The following DNAH7 variants were observed in gnomAD, a reference collection of about 807,000 sequenced individuals.
DNAH7 encodes dynein axonemal heavy chain 7, also known as axonemal beta dynein heavy chain 7.
Under a neutral mutation model 444.6 loss-of-function variants are expected in DNAH7, and 397 were observed. That is an observed-to-expected ratio of 0.89 (90% CI 0.82 to 0.97). The LOEUF (loss-of-function observed/expected upper bound fraction) is 0.97, where lower values mean the gene tolerates loss of function less well. DNAH7 is among the 50% of genes least tolerant of loss of function. The pLI is 0.00. For missense variants in DNAH7, 4,902 were observed against 4,800.8 expected (o/e 1.02, Z -0.62); for synonymous variants, 1,636 against 1,624.4 (o/e 1.01, Z -0.17).
In DNAH7 at chr2:195,740,609, GTGTGTGTATATATA is replaced by G. The variant is rs1212035605; in HGVS notation, c.11868+143_11868+156del. Among the ~76,000 whole-genome samples, 177 of 56,800 alleles carry G rather than the reference GTGTGTGTATATATA, an allele frequency of 3.1e-3. No individual in the cohort carries two copies. In the East Asian group the frequency reaches 0.037, roughly 12 times the overall value. 37.3% of individuals were successfully genotyped at this position (56,800 alleles called of 152,430 possible). A position where few individuals can be genotyped will look rare whatever the true frequency, so the allele number is the denominator to read the frequency against. ...TATGTGTGTGTGTGTGTGTGTGTGT[GTGTGTGTATATATA>G]TATATATATATATATATATATACAT... On this transcript the variant is annotated intron_variant, in intron 64 of 64. Coordinates refer to ENST00000312428, the MANE Select transcript of DNAH7 (RefSeq NM_018897.3).
intron 15 of DNAH7, among the ~76,000 whole-genome samples, chr2:195,975,143 A>G (rs1443504118): frequency 6.6e-6 from 1 of 152,208 alleles, no homozygotes; most frequent in Non-Finnish European, 1.5e-5. Flanking sequence ...AAAACCAAAC[A>G]TCAAGTGAAT....
chr2:195,816,887 C>T lies in DNAH7; in HGVS notation c.9502G>A (p.Ala3168Thr), dbSNP rs761361071. 5.0e-6 allele frequency: 8 copies of T among 1,614,054 alleles called. No individual in the cohort carries two copies. The highest frequency in any genetic ancestry group is 1.7e-6 in the Non-Finnish European group (2 of 1,179,960). ...TTGGAGGAAGATAATATCTTAATAG[C>T]AGTTTCATCTTCTAATATATTGCCT... is the stretch of plus-strand genomic sequence containing the variant. ...SEGNILEDET[A>T]IKILSSSKAL... Residue 3168 changes from alanine to threonine, a missense_variant, in exon 51 of 65, where the codon GCT becomes ACT. Ala to Thr is a moderately conservative substitution (Grantham distance 58). Transcript: ENST00000312428.
chr2:195,897,225 T>C (rs1446234027), intron 29 of DNAH7, among the ~76,000 whole-genome samples: 2 of 152,146 alleles, frequency 1.3e-5, no homozygotes, highest in South Asian at 2.1e-4. Context: ...TTAGTTCTTA[T>C]GTTATCATAA....
chr2:195,899,509 A>G (rs1048337547), intron 28 of DNAH7, among the ~76,000 whole-genome samples: 1 of 152,188 alleles, frequency 6.6e-6, no homozygotes, highest in Admixed American at 6.5e-5. Flanking sequence ...ACAAACAATG[A>G]CCTGAAGTTA....
chr2:195,927,010 G>C (rs540111419), intron 21 of DNAH7, among the ~76,000 whole-genome samples: 1 of 152,032 alleles, frequency 6.6e-6, no homozygotes, highest in East Asian at 1.9e-4. Context: ...ATGCACACTT[G>C]GGCATCACAC....
rs1031707069 is a variant in DNAH7, at chr2:196,060,431, T to A, written c.16-2315A>T. On this transcript the variant is annotated intron_variant, in intron 1 of 64. Coordinates refer to ENST00000312428, the MANE Select transcript of DNAH7 (RefSeq NM_018897.3). ...TGTCTCAGTCTAAAGATTTTCTGCT[T>A]ATCTCTGGTGTTGTTTCCCTTATAG... 2.6e-5 allele frequency among the ~76,000 whole-genome samples: 4 copies of A among 152,292 alleles called. 1 individual carries two copies. The South Asian group carries it at 8.3e-4, about 32-fold the overall frequency.
chr2:195,742,813 G>A (rs529563068), intron 63 of DNAH7, among the ~76,000 whole-genome samples: 23 of 152,334 alleles, frequency 1.5e-4, no homozygotes, highest in Non-Finnish European at 2.5e-4. Flanking sequence ...TAGCAATTCA[G>A]ATAAGAGGAA....
At chr2:196,010,150 TC>T (rs1323406930) in intron 10 of DNAH7, among the ~76,000 whole-genome samples, 12 of 149,236 alleles carry the variant, frequency 8.0e-5, no homozygotes, top group Non-Finnish European at 3.0e-5. Context: ...TCTTTCTCTC[TC>T]TTTTTTTTTT....
intron 9 of DNAH7, among the ~76,000 whole-genome samples, chr2:196,017,313 C>T (rs1695093793): frequency 6.6e-6 from 1 of 152,044 alleles, no homozygotes; most frequent in South Asian, 2.1e-4. Context: ...ACACTTGGCC[C>T]CAAAGTGCTT....
intron 60 of DNAH7, among the ~76,000 whole-genome samples, chr2:195,772,643 CTG>C (rs1298407941): frequency 6.6e-6 from 1 of 152,024 alleles, no homozygotes; most frequent in Non-Finnish European, 1.5e-5. Flanking sequence ...TCAAAGGAAA[CTG>C]TGTTTAGTCT....
intron 12 of DNAH7, among the ~76,000 whole-genome samples, chr2:195,993,027 G>A (rs1693451782): frequency 6.6e-6 from 1 of 152,168 alleles, no homozygotes; most frequent in Non-Finnish European, 1.5e-5. Context: ...CTCCCTAGAG[G>A]CCTCTCCACC....
intron 17 of DNAH7, among the ~76,000 whole-genome samples, chr2:195,964,078 C>A (rs559917517): frequency 6.6e-6 from 1 of 152,156 alleles, no homozygotes; most frequent in South Asian, 2.1e-4. Flanking sequence ...TTCAAGATAG[C>A]TTTGGCTATT....
At chr2:195,847,607 A>C (rs768597591) in intron 46 of DNAH7, among the ~76,000 whole-genome samples, 1 of 151,964 alleles carries the variant, frequency 6.6e-6, no homozygotes, top group African/African-American at 2.4e-5. Flanking sequence ...CAATTTGGTT[A>C]TGTAAAAAAC....
At chr2:195,762,672 G>C (rs915416293) in intron 61 of DNAH7, among the ~76,000 whole-genome samples, 64 of 152,262 alleles carry the variant, frequency 4.2e-4, no homozygotes, top group African/African-American at 1.4e-3. Context: ...AATTCAGCAA[G>C]AGGATATAAC....
intron 58 of DNAH7, among the ~76,000 whole-genome samples, chr2:195,783,756 T>C (rs1004848178): frequency 6.6e-6 from 1 of 152,194 alleles, no homozygotes; most frequent in Non-Finnish European, 1.5e-5. Context: ...TAAGTCTCTC[T>C]AAATCCACTC....
intron 63 of DNAH7, among the ~76,000 whole-genome samples, chr2:195,746,100 A>G (rs1386905730): frequency 6.6e-6 from 1 of 152,216 alleles, no homozygotes; most frequent in African/African-American, 2.4e-5. Context: ...GTATTCAGGA[A>G]ATCCATCTCA....
intron 1 of DNAH7, among the ~76,000 whole-genome samples, chr2:196,061,531 A>T (rs1698133906): frequency 6.6e-6 from 1 of 152,200 alleles, no homozygotes; most frequent in Admixed American, 6.5e-5. Flanking sequence ...TATTTAAGCT[A>T]AAATCCCTGG....
intron 58 of DNAH7, among the ~76,000 whole-genome samples, chr2:195,781,444 A>G (rs917697187): frequency 1.3e-5 from 2 of 152,114 alleles, no homozygotes; most frequent in African/African-American, 2.4e-5. Flanking sequence ...TCCAGGGCCA[A>G]TTAAATTGAG....
chr2:195,787,716 C>T (rs936072380), intron 57 of DNAH7, among the ~76,000 whole-genome samples: 9 of 151,980 alleles, frequency 5.9e-5, no homozygotes, highest in Non-Finnish European at 1.0e-4. Context: ...CCTCTAAGTT[C>T]GAGTTAGTGA....
Sources: gnomAD v4.1 joint callset for allele counts (sites outside exome capture counted in the v4.1 genomes callset) on GRCh38, gnomAD v4.1.1 for gene constraint, MANE v1.5 for transcripts, NCBI Gene and HGNC (gene_info 2026-07-23, HGNC 2026-07-21) for gene names.